The following MSRA variants were observed in gnomAD, a reference collection of about 807,000 sequenced individuals.
MSRA encodes mitochondrial peptide methionine sulfoxide reductase.
Under a neutral mutation model 31.3 loss-of-function variants are expected in MSRA, and 54 were observed. The ratio of observed to expected loss-of-function variants is 1.73; its 90% CI spans 1.39 to 2.17. The LOEUF is 2.17. Among genes scored for constraint, MSRA ranks in the 30% most tolerant of loss-of-function variants. The pLI is 0.00. For synonymous variants in MSRA, 169 were observed against 116.5 expected, an observed-to-expected ratio of 1.45 and a Z score of -2.90; for missense variants, 507 against 300.9, an observed-to-expected ratio of 1.69 and a Z score of -5.07.
At chr8:10,425,203 C>T (rs1809067965) in intron 5 of MSRA, among the ~76,000 whole-genome samples, 1 of 152,210 alleles carries the variant, frequency 6.6e-6, no homozygotes, top group African/African-American at 2.4e-5. Flanking sequence ...ACGCCACGCT[C>T]ATCGCAGGCC....
At chr8:10,289,870 T>A (rs1305280560) in intron 3 of MSRA, among the ~76,000 whole-genome samples, 2 of 152,228 alleles carry the variant, frequency 1.3e-5, no homozygotes, top group African/African-American at 2.4e-5. Flanking sequence ...TCTTCTGGCA[T>A]CTCATTGTGA....
chr8:10,056,626 T>C (rs1351306011), intron 1 of MSRA, among the ~76,000 whole-genome samples: 1 of 152,160 alleles, frequency 6.6e-6, no homozygotes, highest in Non-Finnish European at 1.5e-5. Flanking sequence ...AAATTTAGAT[T>C]GTGGACGTTC....
chr8:10,137,543 GA>G (rs1470616006), intron 1 of MSRA, among the ~76,000 whole-genome samples: 1 of 152,132 alleles, frequency 6.6e-6, no homozygotes, highest in Non-Finnish European at 1.5e-5. Flanking sequence ...TATAACAAAC[GA>G]ACTAACCCAT....
intron 3 of MSRA, among the ~76,000 whole-genome samples, chr8:10,299,666 A>G (rs548899331): frequency 3.9e-5 from 6 of 152,310 alleles, no homozygotes; most frequent in Admixed American, 3.9e-4. Context: ...CTTCACTAAT[A>G]ATATAAATTC....
chr8:10,382,104 A>C (rs779945299), intron 5 of MSRA, among the ~76,000 whole-genome samples: 1 of 152,224 alleles, frequency 6.6e-6, no homozygotes, highest in Admixed American at 6.5e-5. Flanking sequence ...TAGAAGCTCT[A>C]CTGCCCCCAG....
intron 1 of MSRA, among the ~76,000 whole-genome samples, chr8:10,108,391 C>T (rs1039100066): frequency 6.6e-6 from 1 of 152,212 alleles, no homozygotes; most frequent in Non-Finnish European, 1.5e-5. Context: ...AGAGGAGTGA[C>T]TCCCACTGAC....
chr8:10,300,148 G>GTGTGTT (rs1283206786), intron 3 of MSRA, among the ~76,000 whole-genome samples: 3 of 152,142 alleles, frequency 2.0e-5, no homozygotes, highest in African/African-American at 7.2e-5. Flanking sequence ...GTGTGTGTGT[G>GTGTGTT]TGCACGCGTG....
At chr8:10,092,538 G>A (rs1247994929) in intron 1 of MSRA, among the ~76,000 whole-genome samples, 1 of 152,018 alleles carries the variant, frequency 6.6e-6, no homozygotes, top group African/African-American at 2.4e-5. Flanking sequence ...CACGCCTTTA[G>A]TCCCAGCTAC....
At chr8:10,144,512 A>G (rs111632049) in intron 1 of MSRA, among the ~76,000 whole-genome samples, 1 of 152,314 alleles carries the variant, frequency 6.6e-6, no homozygotes, top group African/African-American at 2.4e-5. Flanking sequence ...ATGAAACAGA[A>G]CCAACATTGC....
intron 5 of MSRA, among the ~76,000 whole-genome samples, chr8:10,335,250 G>GTTTTTTTTT (rs1170264568): frequency 1.3e-3 from 105 of 79,836 alleles, no homozygotes; most frequent in African/African-American, 1.7e-3. Flanking sequence ...TCCCAGCTCT[G>GTTTTTTTTT]TTTTTTTTTT....
chr8:10,116,295 A>T (rs572857217), intron 1 of MSRA, among the ~76,000 whole-genome samples: 1 of 152,166 alleles, frequency 6.6e-6, no homozygotes, highest in Non-Finnish European at 1.5e-5. Flanking sequence ...TCGTTAGTGT[A>T]TTTTATATGT....
At chr8:10,166,529 G>A (rs1163617459) in intron 1 of MSRA, among the ~76,000 whole-genome samples, 4 of 152,162 alleles carry the variant, frequency 2.6e-5, no homozygotes, top group African/African-American at 9.7e-5. Flanking sequence ...GTGTGCATAT[G>A]TGTGTGTGCA....
intron 1 of MSRA, among the ~76,000 whole-genome samples, chr8:10,084,910 A>T (rs1303774879): frequency 1.3e-5 from 2 of 151,632 alleles, no homozygotes; most frequent in African/African-American, 4.9e-5. Flanking sequence ...ACATTCTTTT[A>T]TTTTTTAAAA....
intron 5 of MSRA, among the ~76,000 whole-genome samples, chr8:10,374,735 G>C (rs1805664156): frequency 6.6e-6 from 1 of 152,158 alleles, no homozygotes. Context: ...CTTTGGGATT[G>C]ACTTGTTGGA....
In MSRA at chr8:10,081,443, G is replaced by GAT. The variant is rs528802613; in HGVS notation, c.142+26785_142+26786insAT. On this transcript the variant is annotated intron_variant, in intron 1 of 5. Transcript: ENST00000317173. ...GTTCTCATGATTACTTCCGCCTCAA[G>GAT]GTTCGGGCATCTCCAGATGCTACCT... Among the ~76,000 whole-genome samples the GAT allele has an allele frequency of 2.1e-3, 316 of 152,284 alleles. 2 individuals are homozygous for GAT. Among genetic ancestry groups the GAT allele is most frequent in the Non-Finnish European group, 3.3e-3 (223 of 68,020 alleles).
chr8:10,373,655 A>G (rs949684045), intron 5 of MSRA, among the ~76,000 whole-genome samples: 1 of 152,258 alleles, frequency 6.6e-6, no homozygotes, highest in Non-Finnish European at 1.5e-5. Context: ...GGCCAGAGGC[A>G]GGGGATTCCG....
chr8:10,135,526 G>C (rs535701540), intron 1 of MSRA, among the ~76,000 whole-genome samples: 5 of 152,264 alleles, frequency 3.3e-5, no homozygotes, highest in African/African-American at 9.6e-5. Context: ...TAATGTGCCA[G>C]GTATTATATT....
chr8:10,060,701 T>G (rs1802667036), intron 1 of MSRA, among the ~76,000 whole-genome samples: 1 of 152,216 alleles, frequency 6.6e-6, no homozygotes, highest in South Asian at 2.1e-4. Context: ...AACTTGCTTT[T>G]GTAATCAAAA....
chr8:10,081,825 G>C (rs956306667), intron 1 of MSRA, among the ~76,000 whole-genome samples: 1 of 152,172 alleles, frequency 6.6e-6, no homozygotes, highest in Non-Finnish European at 1.5e-5. Context: ...GGGGTACCCA[G>C]ATTCGAAGCG....
Sources: allele counts gnomAD v4.1 joint callset (sites outside exome capture counted in the v4.1 genomes callset), GRCh38; gene constraint gnomAD v4.1.1; transcripts MANE v1.5; gene names NCBI Gene and HGNC (gene_info 2026-07-23, HGNC 2026-07-21).